Variants in UNC13C observed in about 807,000 individuals in gnomAD.
UNC13C encodes protein unc-13 homolog C.
UNC13C carries 174 observed loss-of-function variants against 245.4 expected under a neutral mutation model. The observed-to-expected ratio is 0.71, with a 90% CI of 0.63 to 0.80. UNC13C has a LOEUF of 0.80. Ranked by LOEUF, UNC13C falls within the 30% of genes least tolerant of loss-of-function variation. The pLI, the probability that UNC13C is intolerant of heterozygous loss-of-function variation, is 0.00. For missense variants in UNC13C, 2,829 were observed against 2,602.9 expected (o/e 1.09, Z -1.89); for synonymous variants, 992 against 895.1 (o/e 1.11, Z -1.93).
At chr15:54,441,728 A>C (rs1268355355) in intron 19 of UNC13C, among the ~76,000 whole-genome samples, 1 of 151,758 alleles carries the variant, frequency 6.6e-6, no homozygotes, top group Admixed American at 6.6e-5. Flanking sequence ...TATTTGAAAA[A>C]CTACGTTGGT....
At chr15:54,303,801 G>C (rs1265248637) in intron 13 of UNC13C, among the ~76,000 whole-genome samples, 1 of 151,930 alleles carries the variant, frequency 6.6e-6, no homozygotes, top group Non-Finnish European at 1.5e-5. Context: ...GATGTACATT[G>C]GTTCCATCCA....
intron 2 of UNC13C, among the ~76,000 whole-genome samples, chr15:54,038,118 A>ATT (rs1297641805): frequency 5.2e-4 from 15 of 28,780 alleles, no homozygotes; most frequent in Admixed American, 7.4e-4. Context: ...ATATATATAT[A>ATT]TATATATTTT....
chr15:54,054,930 G>GT (rs1375610300), intron 2 of UNC13C, among the ~76,000 whole-genome samples: 11 of 152,120 alleles, frequency 7.2e-5, no homozygotes, highest in African/African-American at 2.7e-4. Flanking sequence ...TGCCCAGTGA[G>GT]TTGTATCATC....
intron 19 of UNC13C, among the ~76,000 whole-genome samples, chr15:54,444,189 T>A (rs1206657686): frequency 6.6e-6 from 1 of 151,836 alleles, no homozygotes; most frequent in Non-Finnish European, 1.5e-5. Context: ...ACTTAAAGTA[T>A]GTTTTATCTT....
intron 19 of UNC13C, among the ~76,000 whole-genome samples, chr15:54,426,044 C>T (rs1411179272): frequency 6.6e-6 from 1 of 151,650 alleles, no homozygotes; most frequent in African/African-American, 2.4e-5. Flanking sequence ...ACTCTCCTGC[C>T]TCCCTCTTCC....
intron 1 of UNC13C, among the ~76,000 whole-genome samples, chr15:53,985,909 A>T (rs1379616877): frequency 6.6e-6 from 1 of 152,002 alleles, no homozygotes; most frequent in African/African-American, 2.4e-5. Context: ...TTTTGACTCC[A>T]GCTGATAATC....
At chr15:54,551,599 C>A (rs1458065646) in intron 28 of UNC13C, among the ~76,000 whole-genome samples, 4 of 151,944 alleles carry the variant, frequency 2.6e-5, no homozygotes, top group Non-Finnish European at 4.4e-5. Context: ...TCACTGAATT[C>A]TTTTTTAATT....
chr15:53,894,561 C>A, the UNC13C span, among the ~76,000 whole-genome samples: 1 of 152,146 alleles, frequency 6.6e-6, no homozygotes. Flanking sequence ...TCCCCTCTTA[C>A]GCCTTGAATG....
intron 17 of UNC13C, among the ~76,000 whole-genome samples, chr15:54,365,909 AG>A (rs1261329664): frequency 2.0e-5 from 3 of 152,168 alleles, no homozygotes; most frequent in Non-Finnish European, 2.9e-5. Flanking sequence ...AGTTTTTATA[AG>A]GGAAGGAAAA....
chr15:54,594,679 C>A (rs1898975398), intron 30 of UNC13C, among the ~76,000 whole-genome samples: 1 of 152,178 alleles, frequency 6.6e-6, no homozygotes, highest in African/African-American at 2.4e-5. Flanking sequence ...TCCATCATGC[C>A]CCCTGCAACA....
intron 20 of UNC13C, among the ~76,000 whole-genome samples, chr15:54,496,537 G>T (rs1330004617): frequency 6.6e-6 from 1 of 151,962 alleles, no homozygotes; most frequent in Non-Finnish European, 1.5e-5. Flanking sequence ...CAAAAATGTG[G>T]AACCAGCCCA....
chr15:54,355,482 T>A (rs1468787882), intron 17 of UNC13C, among the ~76,000 whole-genome samples: 1 of 151,950 alleles, frequency 6.6e-6, no homozygotes, highest in Non-Finnish European at 1.5e-5. Flanking sequence ...TCAGCCTCTC[T>A]AGAAGCTGGG....
At chr15:54,148,920 C>T (rs914713607) in intron 4 of UNC13C, among the ~76,000 whole-genome samples, 1 of 152,086 alleles carries the variant, frequency 6.6e-6, no homozygotes, top group Non-Finnish European at 1.5e-5. Context: ...AGGAAGGAGC[C>T]GTTGTCTTTT....
chr15:54,014,368 G>T lies in UNC13C; in HGVS notation c.1465G>T (p.Ala489Ser), dbSNP rs202147586. ...TSKPSSKSHS[A>S]RSKNKTANSS... ...CAAGCCAAGCTCAAAATCACACAGT[G>T]CTAGATCCAAGAATAAAACTGCTAA... Residue 489 changes from alanine (A) to serine (S), a missense_variant, in exon 2 of 33, where the codon GCT (alanine) becomes TCT (serine). Ala to Ser is a moderately conservative substitution (Grantham distance 99, BLOSUM62 1). Coordinates refer to ENST00000260323, the MANE Select transcript of UNC13C (RefSeq NM_001080534.3). 165 of 1,613,732 alleles carry T rather than the reference G, an allele frequency of 1.0e-4. No homozygotes were observed. The highest frequency in any genetic ancestry group is 1.3e-4 in the Non-Finnish European group (155 of 1,179,844).
intron 30 of UNC13C, among the ~76,000 whole-genome samples, chr15:54,584,604 A>G (rs1354789319): frequency 6.6e-6 from 1 of 152,266 alleles, no homozygotes; most frequent in Non-Finnish European, 1.5e-5. Flanking sequence ...AAATGGAAGA[A>G]GTCAGTTTTT....
chr15:53,967,043 T>G, the UNC13C span, among the ~76,000 whole-genome samples: 3 of 152,154 alleles, frequency 2.0e-5, no homozygotes, highest in African/African-American at 4.8e-5. Context: ...TCTAATTCTT[T>G]CCTGATCTGT....
intron 17 of UNC13C, among the ~76,000 whole-genome samples, chr15:54,383,194 G>A (rs566371856): frequency 6.6e-6 from 1 of 152,050 alleles, no homozygotes; most frequent in Non-Finnish European, 1.5e-5. Context: ...CATTCTATGA[G>A]GCTAGCATTT....
rs970835846 is a variant in UNC13C, at chr15:54,080,983, C to A, written c.2984-62035C>A. ...TCCTCTTAACACTGTTTTGTTGTAT[C>A]TCCATTGGTTTTGGTATGTTGTGTG... is the stretch of plus-strand genomic sequence containing the variant. On this transcript the variant is annotated intron_variant, in intron 2 of 32. Coordinates refer to ENST00000260323, the MANE Select transcript of UNC13C (RefSeq NM_001080534.3). 4.6e-5 allele frequency among the ~76,000 whole-genome samples: 7 copies of A among 151,862 alleles called. No individual in the cohort carries two copies. In the South Asian group the frequency reaches 6.2e-4, roughly 14 times the overall value.
At chr15:54,503,031 G>A (rs140284103) in intron 22 of UNC13C, among the ~76,000 whole-genome samples, 52 of 143,430 alleles carry the variant, frequency 3.6e-4, no homozygotes, top group African/African-American at 1.3e-3. Flanking sequence ...CACAAGGAAG[G>A]TCATATTAGA....
Sources: gnomAD v4.1 joint callset for allele counts (sites outside exome capture counted in the v4.1 genomes callset) on GRCh38, gnomAD v4.1.1 for gene constraint, MANE v1.5 for transcripts, NCBI Gene and HGNC (gene_info 2026-07-23, HGNC 2026-07-21) for gene names.